Variants in CHD6 observed in about 807,000 individuals in gnomAD.
CHD6 encodes the protein ATP-dependent chromatin remodeler CHD6.
CHD6 carries 50 observed loss-of-function variants against 276.9 expected under a neutral mutation model. The observed-to-expected ratio is 0.18, with a 90% confidence interval of 0.14 to 0.23. The LOEUF (loss-of-function observed/expected upper bound fraction) is 0.23, where lower values mean the gene tolerates loss of function less well. Among genes scored for constraint, CHD6 ranks in the 10% least tolerant of loss-of-function variants. The pLI is 1.00. For missense variants in CHD6, 2,564 were observed against 3,365.8 expected, an observed-to-expected ratio of 0.76 and a Z score of 5.89; for synonymous variants, 1,173 against 1,229.3, an observed-to-expected ratio of 0.95 and a Z score of 0.96.
intron 2 of CHD6, among the ~76,000 whole-genome samples, chr20:41,541,953 T>C (rs2044951052): frequency 6.6e-6 from 1 of 152,344 alleles, no homozygotes; most frequent in African/African-American, 2.4e-5. Context: ...TAATTCTTGT[T>C]AACTCTAGGC....
At chr20:41,506,315 C>G (rs934415606) in intron 5 of CHD6, among the ~76,000 whole-genome samples, 2 of 152,154 alleles carry the variant, frequency 1.3e-5, no homozygotes, top group Non-Finnish European at 2.9e-5. Context: ...GTCTACAAAT[C>G]CTACAGGGTT....
At chr20:41,574,941 A>G (rs6124362) in intron 1 of CHD6, among the ~76,000 whole-genome samples, 60,408 of 151,952 alleles carry the variant, frequency 0.4, 14,461 homozygotes, top group African/African-American at 0.66. Flanking sequence ...CTCCTTTTCC[A>G]TGTGGCCCAG....
At chr20:41,539,645 AC>A (rs534159093) in intron 2 of CHD6, among the ~76,000 whole-genome samples, 40 of 152,320 alleles carry the variant, frequency 2.6e-4, no homozygotes, top group Admixed American at 2.5e-3. Flanking sequence ...ATACAACAAA[AC>A]AATACTAAAA....
intron 1 of CHD6, among the ~76,000 whole-genome samples, chr20:41,586,835 T>C (rs2045600647): frequency 6.6e-6 from 1 of 152,192 alleles, no homozygotes; most frequent in Non-Finnish European, 1.5e-5. Context: ...TTCCTCAACT[T>C]GATAAAAGGC....
chr20:41,470,102 T>G lies in CHD6; in HGVS notation c.2664+3220A>C, dbSNP rs185404158. ...AATGTGTGTGTTTGTGTGGGGAGAG[T>G]GCATCATTCTGTGGACAGTCTCCAG... On this transcript the variant is annotated intron_variant, in intron 17 of 36. Coordinates refer to ENST00000373233, the MANE Select transcript of CHD6 (RefSeq NM_032221.5). Among the ~76,000 whole-genome samples, 297 of 152,114 alleles carry G rather than the reference T, an allele frequency of 2.0e-3. 1 individual carries two copies. The highest frequency in any genetic ancestry group is 4.5e-3 in the Admixed American group (68 of 15,272).
chr20:41,598,673 C>G (rs2045743607), intron 1 of CHD6, among the ~76,000 whole-genome samples: 1 of 152,166 alleles, frequency 6.6e-6, no homozygotes. Flanking sequence ...CCTCCAGGTA[C>G]CAATGTCAAT....
intron 1 of CHD6, among the ~76,000 whole-genome samples, chr20:41,597,082 A>G (rs1009089640): frequency 1.3e-5 from 2 of 152,190 alleles, no homozygotes; most frequent in Admixed American, 1.3e-4. Context: ...CAGGGAGAGA[A>G]AGAGGGCAAA....
chr20:41,407,657 C>A (rs2046718406), intron 36 of CHD6, among the ~76,000 whole-genome samples: 1 of 152,174 alleles, frequency 6.6e-6, no homozygotes, highest in African/African-American at 2.4e-5. Context: ...GCTGGTGGTA[C>A]TGGTTTCAGG....
chr20:41,448,630 T>C (rs955193893), intron 23 of CHD6, among the ~76,000 whole-genome samples: 1 of 152,184 alleles, frequency 6.6e-6, no homozygotes, highest in Non-Finnish European at 1.5e-5. Flanking sequence ...GCCGTTATCG[T>C]GCTCTTGGGC....
intron 2 of CHD6, among the ~76,000 whole-genome samples, chr20:41,550,293 G>A (rs937404488): frequency 3.9e-5 from 6 of 152,104 alleles, no homozygotes; most frequent in Admixed American, 2.0e-4. Flanking sequence ...CTGGTACATC[G>A]AACTGCATTC....
At chr20:41,604,192 A>G (rs1026667158) in intron 1 of CHD6, among the ~76,000 whole-genome samples, 1 of 152,198 alleles carries the variant, frequency 6.6e-6, no homozygotes, top group Non-Finnish European at 1.5e-5. Flanking sequence ...GCACTTGGAC[A>G]GGCAGGTGGA....
chr20:41,604,588 C>T (rs2045808303), intron 1 of CHD6, among the ~76,000 whole-genome samples: 1 of 152,134 alleles, frequency 6.6e-6, no homozygotes, highest in African/African-American at 2.4e-5. Context: ...CTCAAATGGC[C>T]TTAATCCTAA....
chr20:41,552,120 G>C (rs2045156396), intron 1 of CHD6, among the ~76,000 whole-genome samples: 1 of 152,144 alleles, frequency 6.6e-6, no homozygotes, highest in African/African-American at 2.4e-5. Context: ...CAGAATTTGG[G>C]GCTGCCTGCA....
At chr20:41,576,099 G>C (rs1383513941) in intron 1 of CHD6, among the ~76,000 whole-genome samples, 2 of 151,960 alleles carry the variant, frequency 1.3e-5, no homozygotes, top group East Asian at 3.9e-4. Flanking sequence ...TTACTAAAAA[G>C]GAAAAGCTGC....
At chr20:41,585,393 G>A (rs142557195) in intron 1 of CHD6, among the ~76,000 whole-genome samples, 19 of 151,922 alleles carry the variant, frequency 1.3e-4, no homozygotes, top group Admixed American at 6.6e-4. Context: ...CCAGCTACTC[G>A]GGAGGCTGAG....
chr20:41,593,462 CA>C (rs1211455908), intron 1 of CHD6, among the ~76,000 whole-genome samples: 1 of 152,126 alleles, frequency 6.6e-6, no homozygotes, highest in African/African-American at 2.4e-5. Flanking sequence ...AAAGCAAGCC[CA>C]GCACCCACAG....
At chr20:41,571,200 A>C (rs2045411905) in intron 1 of CHD6, among the ~76,000 whole-genome samples, 1 of 152,174 alleles carries the variant, frequency 6.6e-6, no homozygotes, top group Admixed American at 6.5e-5. Flanking sequence ...CAACGCTTAC[A>C]GAAGACAGCA....
chr20:41,541,163 C>T (rs150321512), intron 2 of CHD6, among the ~76,000 whole-genome samples: 1 of 152,148 alleles, frequency 6.6e-6, no homozygotes, highest in Non-Finnish European at 1.5e-5. Context: ...CAATGTCTGT[C>T]CGATTGTGCA....
intron 1 of CHD6, among the ~76,000 whole-genome samples, chr20:41,573,530 C>T (rs866934616): frequency 2.0e-5 from 3 of 151,850 alleles, no homozygotes; most frequent in African/African-American, 7.3e-5. Context: ...GACCAAGTGA[C>T]AAAGAAGGGC....
Sources: allele counts gnomAD v4.1 joint callset (sites outside exome capture counted in the v4.1 genomes callset), GRCh38; gene constraint gnomAD v4.1.1; transcripts MANE v1.5; gene names NCBI Gene and HGNC (gene_info 2026-07-23, HGNC 2026-07-21).